MYO1D: variants seen among roughly 807,000 people sequenced by gnomAD.
The protein encoded by MYO1D is unconventional myosin-Id.
MYO1D carries 83 observed loss-of-function variants against 122.0 expected under a neutral mutation model. The ratio of observed to expected loss-of-function variants is 0.68; its 90% CI spans 0.57 to 0.82. The LOEUF (loss-of-function observed/expected upper bound fraction) is 0.82. Ranked by LOEUF, MYO1D falls within the 40% of genes least tolerant of loss-of-function variation. The probability of loss-of-function intolerance (pLI) is 0.00; values close to 1 mark genes in which losing one functional copy is unlikely to be tolerated. For synonymous variants in MYO1D, 464 were observed against 446.9 expected, an observed-to-expected ratio of 1.04 and a Z score of -0.48; for missense variants, 1,157 against 1,269.5, an observed-to-expected ratio of 0.91 and a Z score of 1.35.
chr17:32,767,374 C>T (rs2151020632), intron 7 of MYO1D, among the ~76,000 whole-genome samples: 1 of 152,260 alleles, frequency 6.6e-6, no homozygotes, highest in South Asian at 2.1e-4. Context: ...TTCCTTTATC[C>T]TTAAAATTAA....
At chr17:32,786,546 G>A (rs757441104) in intron 1 of MYO1D, among the ~76,000 whole-genome samples, 9 of 152,324 alleles carry the variant, frequency 5.9e-5, no homozygotes, top group South Asian at 2.1e-4. Context: ...TAGGCCGGGC[G>A]CACTGGCTCA....
At chr17:32,786,286 T>C (rs552225818) in intron 1 of MYO1D, among the ~76,000 whole-genome samples, 174 of 152,006 alleles carry the variant, frequency 1.1e-3, no homozygotes, top group Non-Finnish European at 1.9e-3. Context: ...GCTGTCATAG[T>C]GGTGAGGCAA....
chr17:32,742,804 G>T (rs971319791), intron 13 of MYO1D, among the ~76,000 whole-genome samples: 1 of 152,160 alleles, frequency 6.6e-6, no homozygotes, highest in African/African-American at 2.4e-5. Flanking sequence ...CATCCATACA[G>T]ATGAATCATT....
At chr17:32,668,845 G>C (rs1015218815) in intron 16 of MYO1D, among the ~76,000 whole-genome samples, 1 of 151,900 alleles carries the variant, frequency 6.6e-6, no homozygotes, top group African/African-American at 2.4e-5. Flanking sequence ...GGGACTACAG[G>C]TGCCCGCCAC....
rs373829475 is a variant in MYO1D at position 32,493,933 on chromosome 17, A to C, written c.*826T>G. On this transcript the variant is annotated 3_prime_UTR_variant, in exon 22 of 22. Transcript: ENST00000318217. ...CTCACCCTGGCAGCTCCCCGTTCTC[A>C]TTAGGGTTCCTGACCCAAGTGTGGT... 6.6e-6 allele frequency: 1 copy of C among 152,408 alleles called. No individual in the cohort carries two copies. Among genetic ancestry groups the C allele is most frequent in the East Asian group, 1.9e-4 (1 of 5,182 alleles). 9.4% of individuals were successfully genotyped at this position (152,408 alleles called of 1,614,324 possible). A position where few individuals can be genotyped will look rare whatever the true frequency, so the allele number is the denominator to read the frequency against.
chr17:32,808,898 A>G (rs1159006693), intron 1 of MYO1D, among the ~76,000 whole-genome samples: 2 of 152,208 alleles, frequency 1.3e-5, no homozygotes, highest in African/African-American at 4.8e-5. Flanking sequence ...ATTTTGTTAG[A>G]GCAGCCTGAA....
At position 32,519,125 on chromosome 17, in the gene MYO1D, A is replaced by T. The variant is rs1910006370; in HGVS notation, c.2865-24210T>A. Reference sequence around the variant, plus strand: ...CGTGGGGAATCTCTTGGGTCCTTAAAGGGGGCGGCTGTCATGTCTCCTAGC... The same window carrying T: ...CGTGGGGAATCTCTTGGGTCCTTAATGGGGGCGGCTGTCATGTCTCCTAGC... On this transcript the variant is annotated intron_variant, in intron 21 of 21. Coordinates refer to ENST00000318217, the MANE Select transcript of MYO1D (RefSeq NM_015194.3). 2.0e-5 allele frequency: 3 copies of T among 152,410 alleles called. No individual in the cohort carries two copies. In the South Asian group the frequency reaches 6.2e-4, roughly 31 times the overall value. 9.4% of individuals were successfully genotyped at this position (152,410 alleles called of 1,614,324 possible).
At chr17:32,603,930 C>A (rs2087594480) in intron 21 of MYO1D, among the ~76,000 whole-genome samples, 1 of 152,032 alleles carries the variant, frequency 6.6e-6, no homozygotes, top group South Asian at 2.1e-4. Flanking sequence ...TAATTACTTT[C>A]TTATTTTTTC....
rs1431532938 is a variant in MYO1D at position 32,659,237 on chromosome 17, G to A, written c.2223C>T (p.His741=). Residue 741 remains histidine (H), a synonymous_variant, in exon 17 of 22, where the codon CAC becomes CAT. Coordinates refer to ENST00000318217, the MANE Select transcript of MYO1D (RefSeq NM_015194.3). ...CGCCATGGAAGCGTCTGGCCACCTCGTGGATGTACGACTTCACTTTGTAGC... is the reference window on the plus strand; with the variant it reads ...CGCCATGGAAGCGTCTGGCCACCTCATGGATGTACGACTTCACTTTGTAGC... ...YRRYKVKSYI[H]EVARRFHGVK... 2 of 1,614,102 alleles carry A rather than the reference G, an allele frequency of 1.2e-6. No homozygotes were observed. The highest frequency in any genetic ancestry group is 2.7e-5 in the African/African-American group (2 of 74,936).
chr17:32,538,297 T>C (rs544154706), intron 21 of MYO1D, among the ~76,000 whole-genome samples: 1 of 131,974 alleles, frequency 7.6e-6, no homozygotes, highest in African/African-American at 2.8e-5. Context: ...TTTTTTTTTT[T>C]AGAGACAGGG....
At chr17:32,740,317 A>G (rs1834367933) in intron 13 of MYO1D, among the ~76,000 whole-genome samples, 1 of 152,112 alleles carries the variant, frequency 6.6e-6, no homozygotes, top group Admixed American at 6.5e-5. Context: ...TACCTTACTC[A>G]CTGTTGGCCA....
At chr17:32,822,775 C>T (rs555542196) in intron 1 of MYO1D, among the ~76,000 whole-genome samples, 2 of 151,566 alleles carry the variant, frequency 1.3e-5, no homozygotes, top group Admixed American at 6.6e-5. Context: ...GGCGTCCCCG[C>T]ACCCGGCCGA....
At chr17:32,669,183 T>C (rs771056685) in intron 16 of MYO1D, among the ~76,000 whole-genome samples, 1 of 152,206 alleles carries the variant, frequency 6.6e-6, no homozygotes, top group Non-Finnish European at 1.5e-5. Flanking sequence ...ATAGTAGATG[T>C]GGGAAAAGCT....
chr17:32,741,131 G>A (rs1254352157), intron 13 of MYO1D, among the ~76,000 whole-genome samples: 2 of 151,510 alleles, frequency 1.3e-5, no homozygotes, highest in African/African-American at 4.9e-5. Flanking sequence ...GGGAGGCAGA[G>A]TTGGGAGAAT....
chr17:32,851,266 A>C (rs759920099), intron 1 of MYO1D, among the ~76,000 whole-genome samples: 5 of 152,150 alleles, frequency 3.3e-5, no homozygotes, highest in Non-Finnish European at 7.4e-5. Context: ...ACTTCCTGCC[A>C]CTTTACCTAC....
chr17:32,699,548 T>C (rs1380384657), intron 16 of MYO1D, among the ~76,000 whole-genome samples: 1 of 152,196 alleles, frequency 6.6e-6, no homozygotes, highest in Non-Finnish European at 1.5e-5. Context: ...CTGGGAACAA[T>C]GAACAGAAAC....
chr17:32,852,371 C>T (rs1041663690), intron 1 of MYO1D, among the ~76,000 whole-genome samples: 3 of 152,136 alleles, frequency 2.0e-5, no homozygotes, highest in African/African-American at 2.4e-5. Context: ...AGGTGATCCA[C>T]CCACCTCGGC....
At chr17:32,645,864 C>T (rs552332468) in intron 19 of MYO1D, among the ~76,000 whole-genome samples, 2 of 152,252 alleles carry the variant, frequency 1.3e-5, no homozygotes, top group Admixed American at 6.5e-5. Flanking sequence ...TCCTTTAGCT[C>T]GGAGAAGTTT....
chr17:32,676,972 G>A (rs1427944538), intron 16 of MYO1D, among the ~76,000 whole-genome samples: 1 of 151,870 alleles, frequency 6.6e-6, no homozygotes, highest in Non-Finnish European at 1.5e-5. Flanking sequence ...CACCATGCCC[G>A]GCTAATTTTT....
Sources: allele counts gnomAD v4.1 joint callset (sites outside exome capture counted in the v4.1 genomes callset), GRCh38; gene constraint gnomAD v4.1.1; transcripts MANE v1.5; gene names NCBI Gene and HGNC (gene_info 2026-07-23, HGNC 2026-07-21).